Variants in UNC93B1 observed in about 807,000 individuals in gnomAD.
UNC93B1 encodes protein unc-93 homolog B1.
Under a neutral mutation model 56.8 loss-of-function variants are expected in UNC93B1, and 33 were observed. The observed-to-expected ratio is 0.58, with a 90% confidence interval of 0.44 to 0.78. The LOEUF is 0.78. Among genes scored for constraint, UNC93B1 ranks in the 30% least tolerant of loss-of-function variants. The pLI, the probability that UNC93B1 is intolerant of heterozygous loss-of-function variation, is 0.00. For synonymous variants in UNC93B1, 334 were observed against 358.6 expected (o/e 0.93, Z 0.77); for missense variants, 673 against 819.5 (o/e 0.82, Z 2.18).
intron 3 of UNC93B1, among the ~76,000 whole-genome samples, 183 bp from the exon 4 acceptor site, chr11:67,999,863 C>A (rs1239453909): frequency 2.6e-5 from 4 of 152,236 alleles, no homozygotes; most frequent in Non-Finnish European, 4.4e-5. Flanking sequence ...AGCTACTGTG[C>A]CTCAGTTTTC....
rs780715213 is a variant in UNC93B1 at position 67,998,594 on chromosome 11, G to A, written c.688-142C>T. ...CTGGGAGTAGTGTGGTTACAGGGCC[G>A]CCCAATGAGGAAGACCTCCTCCTGG... On this transcript the variant is annotated intron_variant, in intron 5 of 10. Transcript: ENST00000227471. The A allele has an allele frequency of 5.2e-5, 39 of 748,606 alleles. No individual in the cohort carries two copies. In the East Asian group the frequency reaches 7.4e-4, roughly 14 times the overall value. The allele number at this position is 748,606 out of a possible 1,614,324, so 46.4% of individuals were successfully genotyped here. A position where few individuals can be genotyped will look rare whatever the true frequency, so the allele number is the denominator to read the frequency against.
At chr11:67,994,781 A>T (rs1856907736) in intron 9 of UNC93B1, among the ~76,000 whole-genome samples, 1 of 152,240 alleles carries the variant, frequency 6.6e-6, no homozygotes, top group Non-Finnish European at 1.5e-5. Flanking sequence ...AGCAGGCATG[A>T]CCTCGGCTAC....
intron 3 of UNC93B1, among the ~76,000 whole-genome samples, chr11:68,002,645 A>G (rs1340022509): frequency 6.6e-6 from 1 of 152,086 alleles, no homozygotes; most frequent in African/African-American, 2.4e-5. Flanking sequence ...TGGGCCAGGC[A>G]TGGGTGCCTG....
intron 10 of UNC93B1, among the ~76,000 whole-genome samples, chr11:67,992,513 A>T (rs951393935): frequency 7.2e-5 from 11 of 151,952 alleles, no homozygotes; most frequent in Admixed American, 5.3e-4. Context: ...TATTTTTTAA[A>T]TTTTTTGTAG....
At chr11:67,996,815 G>C in intron 7 of UNC93B1, 31 bp from the exon 8 acceptor site, 1 of 1,506,646 alleles carries the variant, frequency 6.6e-7, no homozygotes, top group South Asian at 1.3e-5. Context: ...GGGGCGGCCA[G>C]CCAGGCCCAG....
At chr11:68,001,712 A>G (rs1300618564) in intron 3 of UNC93B1, among the ~76,000 whole-genome samples, 1 of 152,008 alleles carries the variant, frequency 6.6e-6, no homozygotes, top group Non-Finnish European at 1.5e-5. Context: ...AAACAAGGAA[A>G]CAGATGTAAG....
Position 67,998,239 on chromosome 11 carries a change from C to A in UNC93B1, c.781+120G>T. 6 of 1,177,988 alleles carry A rather than the reference C, an allele frequency of 5.1e-6. No individual in the cohort carries two copies. The Admixed American group carries it at 9.0e-5, about 18-fold the overall frequency. 73.0% of individuals were successfully genotyped at this position (1,177,988 alleles called of 1,614,324 possible). On this transcript the variant is annotated intron_variant, in intron 6 of 10. Coordinates refer to ENST00000227471, the MANE Select transcript of UNC93B1 (RefSeq NM_030930.4). The stretch of plus-strand genomic sequence containing the variant: ...TACTCCTACAGGGCCCTGTGTCTTG[C>A]CCACCAGAGCCGTGGGGCACTGGGC...
At position 68,003,016 on chromosome 11, in the gene UNC93B1, G is replaced by T; in HGVS notation, c.392+6C>A. On this transcript the variant is annotated splice_donor_region_variant and intron_variant, in intron 3 of 10. Transcript: ENST00000227471. This position sits in a 1 kb window ranked among gnomAD's most constrained non-coding sequence, Gnocchi z 4.4. ...CGCAGCATCCCACAGGAGCAGCCGC[G>T]CCCACCTGATGAGCACAGGTGTGTA... 1 of 1,606,574 alleles carries T rather than the reference G, an allele frequency of 6.2e-7. No homozygotes were observed.
At position 67,999,556 on chromosome 11, in the gene UNC93B1, C is replaced by G; in HGVS notation, c.517G>C (p.Val173Leu). ...TTGCCCATGGAAGCCCAAAGAGGCACGATGGCCATGCCCAGGGCCACAGCC... is the reference window on the plus strand; with the variant it reads ...TTGCCCATGGAAGCCCAAAGAGGCAGGATGGCCATGCCCAGGGCCACAGCC... ...PSAVALGMAI[V>L]PLWASMGNYI... The change falls in exon 4 of 11, where the codon GTG becomes CTG. Residue 173 changes from valine to leucine, a missense_variant. By Grantham distance (32) the Val-to-Leu change is conservative. Coordinates refer to ENST00000227471, the MANE Select transcript of UNC93B1 (RefSeq NM_030930.4). 1.3e-6 allele frequency: 2 copies of G among 1,570,270 alleles called. No homozygotes were observed. The highest frequency in any genetic ancestry group is 1.7e-6 in the Non-Finnish European group (2 of 1,158,658).
At position 67,999,582 on chromosome 11, in the gene UNC93B1, G is replaced by A. The variant is rs201765730; in HGVS notation, c.491C>T (p.Ser164Leu). 771 of 1,595,144 alleles carry A rather than the reference G, an allele frequency of 4.8e-4. No individual in the cohort carries two copies. The highest frequency in any genetic ancestry group is 6.1e-4 in the Non-Finnish European group (711 of 1,171,598). The change falls in exon 4 of 11, where the codon TCG becomes TTG. Residue 164 changes from serine to leucine, a missense_variant. Physicochemically the swap from Ser to Leu is moderately radical, Grantham distance 145. This residue lies in a region of UNC93B1 where 438 missense variants were observed against 465.9 expected (regional missense o/e 0.94). Coordinates refer to ENST00000227471, the MANE Select transcript of UNC93B1 (RefSeq NM_030930.4). ...GATGGCCATGCCCAGGGCCACAGCC[G>A]AGGGCACAAGCGTGTAGTAGCGCTC... The part of the protein sequence containing the change: ...YWERYYTLVP[S>L]AVALGMAIVP...
At chr11:68,001,682 A>G (rs1857046374) in intron 3 of UNC93B1, among the ~76,000 whole-genome samples, 1 of 148,890 alleles carries the variant, frequency 6.7e-6, no homozygotes, top group African/African-American at 2.5e-5. Context: ...AAATAAATAA[A>G]CACATAATTT....
chr11:68,001,083 C>A (rs1046731815), intron 3 of UNC93B1, among the ~76,000 whole-genome samples: 1 of 151,982 alleles, frequency 6.6e-6, no homozygotes, highest in Non-Finnish European at 1.5e-5. Context: ...GTAATCCCAG[C>A]TACTCAGGAG....
At chr11:68,001,697 A>C (rs922307917) in intron 3 of UNC93B1, among the ~76,000 whole-genome samples, 1 of 152,030 alleles carries the variant, frequency 6.6e-6, no homozygotes. Context: ...TAATTTAAAA[A>C]AAAAAAACAA....
chr11:67,991,194 A>T lies in UNC93B1; in HGVS notation c.*352T>A. On this transcript the variant is annotated 3_prime_UTR_variant, in exon 11 of 11. Transcript: ENST00000227471. ...GATAGGAGGTGCAAAGTGCGCTCAC[A>T]CGCGGCCCGGGTCCGCGGCCGAGAG... The T allele has an allele frequency of 4.1e-6, 1 of 246,862 alleles. No individual in the cohort carries two copies. The highest frequency in any genetic ancestry group is 1.5e-4 in the South Asian group (1 of 6,630). The allele number at this position is 246,862 out of a possible 1,614,324, so 15.3% of individuals were successfully genotyped here. A position where few individuals can be genotyped will look rare whatever the true frequency, so the allele number is the denominator to read the frequency against.
At chr11:67,999,764 C>T in intron 3 of UNC93B1, 84 bp from the exon 4 acceptor site, 1 of 1,519,644 alleles carries the variant, frequency 6.6e-7, no homozygotes, top group Non-Finnish European at 8.9e-7. Flanking sequence ...AACCGCAGGT[C>T]CCAGCTCACA....
intron 5 of UNC93B1, 26 bp downstream of exon 5, chr11:67,999,147 C>A (rs1331744590): frequency 6.2e-7 from 1 of 1,613,416 alleles, no homozygotes; most frequent in Admixed American, 1.7e-5. Flanking sequence ...CCCCTGCCAC[C>A]CAACAATGGC....
In UNC93B1 at chr11:67,995,626, T is replaced by G; in HGVS notation, c.1348A>C (p.Lys450Gln). The change falls in exon 9 of 11, where the codon AAG becomes CAG. Residue 450 changes from lysine to glutamine, a missense_variant. Physicochemically the swap from Lys to Gln is moderately conservative, Grantham distance 53. This residue lies in a region of UNC93B1 where 155 missense variants were observed against 268.3 expected (regional missense o/e 0.58). Transcript: ENST00000227471. Reference sequence around the variant, plus strand: ...CTATACTCACTGCTGAGTCCAGTCTTGTTCAGGGCACTGCCCACACCCCAA... The same window carrying G: ...CTATACTCACTGCTGAGTCCAGTCTGGTTCAGGGCACTGCCCACACCCCAA... ...ALWGVGSALN[K>Q]TGLSTLLGIL... The G allele has an allele frequency of 2.3e-6, 3 of 1,288,574 alleles. No homozygotes were observed. The highest frequency in any genetic ancestry group is 3.0e-6 in the Non-Finnish European group (3 of 986,498). The allele number at this position is 1,288,574 out of a possible 1,614,324, so 79.8% of individuals were successfully genotyped here.
chr11:68,003,857 TGCCCGCCGCCCCCCG>T lies in UNC93B1; in HGVS notation c.97-74_97-60del. 1 of 1,327,526 alleles carries T rather than the reference TGCCCGCCGCCCCCCG, an allele frequency of 7.5e-7. No individual in the cohort carries two copies. Among genetic ancestry groups the T allele is most frequent in the Non-Finnish European group, 9.6e-7 (1 of 1,040,384 alleles). 82.2% of individuals were successfully genotyped at this position (1,327,526 alleles called of 1,614,324 possible). Reference sequence around the variant, plus strand: ...CGCGCCCCGAACCCGTGTCCCCCGGTGCCCGCCGCCCCCCGGCCCGCCCCGCCCCCGCCGGGGGGA... The same window carrying T: ...CGCGCCCCGAACCCGTGTCCCCCGGTGCCCGCCCCGCCCCCGCCGGGGGGA... On this transcript the variant is annotated intron_variant, in intron 1 of 10. Transcript: ENST00000227471. This position sits in a 1 kb window ranked among gnomAD's most constrained non-coding sequence, Gnocchi z 4.4.
intron 6 of UNC93B1, 90 bp from the exon 7 acceptor site, chr11:67,997,889 G>A (rs1856977614): frequency 3.9e-6 from 6 of 1,533,642 alleles, no homozygotes; most frequent in Non-Finnish European, 5.3e-6. Context: ...AGGCCGCGGA[G>A]GAGCGGTGGA....
Sources: gnomAD v4.1 joint callset for allele counts (sites outside exome capture counted in the v4.1 genomes callset) on GRCh38, gnomAD v4.1.1 for gene constraint, gnomAD v4.1.1 regional missense constraint, Gnocchi (gnomAD v3.1) non-coding constraint, MANE v1.5 for transcripts, NCBI Gene and HGNC (gene_info 2026-07-23, HGNC 2026-07-21) for gene names.